Variants in GNG7 observed in about 807,000 individuals in gnomAD.
The protein encoded by GNG7 is guanine nucleotide-binding protein G(I)/G(S)/G(O) subunit gamma-7.
GNG7 carries 1 observed loss-of-function variant against 4.0 expected under a neutral mutation model. The observed-to-expected ratio is 0.25, with a 90% CI of 0.09 to 1.18. The LOEUF is 1.18. Ranked by LOEUF, GNG7 falls within the 50% of genes most tolerant of loss-of-function variation. The probability of loss-of-function intolerance (pLI) is 0.50; values close to 1 mark genes in which losing one functional copy is unlikely to be tolerated. For missense variants in GNG7, 86 were observed against 91.9 expected, an observed-to-expected ratio of 0.94 and a Z score of 0.26; for synonymous variants, 34 against 36.9, an observed-to-expected ratio of 0.92 and a Z score of 0.29.
chr19:2,656,408 C>T (rs1472056677), intron 1 of GNG7, among the ~76,000 whole-genome samples: 1 of 152,204 alleles, frequency 6.6e-6, no homozygotes, highest in East Asian at 1.9e-4. Flanking sequence ...TCAAGACCAG[C>T]CTGGCCAACA....
At chr19:2,686,707 CTTTGTAGG>C (rs781251589) in intron 1 of GNG7, among the ~76,000 whole-genome samples, 53 of 151,832 alleles carry the variant, frequency 3.5e-4, no homozygotes, top group Admixed American at 1.8e-3. Flanking sequence ...GGAGCGGAGC[CTTTGTAGG>C]GTGGGGTCAA....
intron 1 of GNG7, among the ~76,000 whole-genome samples, chr19:2,684,272 G>A (rs1166742381): frequency 1.3e-5 from 2 of 151,898 alleles, no homozygotes; most frequent in Non-Finnish European, 2.9e-5. Flanking sequence ...GAGTAGCTGG[G>A]ATTACAGGGG....
At chr19:2,584,134 G>A (rs1022238432) in intron 2 of GNG7, among the ~76,000 whole-genome samples, 3 of 151,922 alleles carry the variant, frequency 2.0e-5, no homozygotes, top group African/African-American at 4.8e-5. Context: ...TTATGGCAAC[G>A]TATCAGAAGG....
rs1461445338 is a variant in GNG7 at position 2,702,637 on chromosome 19, C to G, written c.-135+9G>C. 2 of 151,644 alleles carry G rather than the reference C, an allele frequency of 1.3e-5. No individual in the cohort carries two copies. The highest frequency in any genetic ancestry group is 3.0e-5 in the Non-Finnish European group (2 of 67,738). The allele number at this position is 151,644 out of a possible 1,614,324, so 9.4% of individuals were successfully genotyped here. ...CACTTCCCCTGGCCCGGTTCGCGGG[C>G]GCCCTTACCTGCGCTCGGGCCCCGC... On this transcript the variant is annotated intron_variant, in intron 1 of 4. Transcript: ENST00000382159.
At position 2,656,277 on chromosome 19, in the gene GNG7, C is replaced by T. The variant is rs181404211; in HGVS notation, c.-134-9997G>A. 3.9e-5 allele frequency among the ~76,000 whole-genome samples: 6 copies of T among 152,298 alleles called. No individual in the cohort carries two copies. The East Asian group carries it at 1.2e-3, about 29-fold the overall frequency. On this transcript the variant is annotated intron_variant, in intron 1 of 4. Transcript: ENST00000382159. ...ATTCACAATAGCCGAGATAGGAAACCAACCTACATGTCCATCGTTGGATGA... is the reference window on the plus strand; with the variant it reads ...ATTCACAATAGCCGAGATAGGAAACTAACCTACATGTCCATCGTTGGATGA...
intron 3 of GNG7, among the ~76,000 whole-genome samples, chr19:2,534,640 G>A (rs971262621): frequency 3.3e-5 from 5 of 152,338 alleles, no homozygotes; most frequent in African/African-American, 9.6e-5. Context: ...CCCAGAGAAG[G>A]TAGATGGCTT....
intron 2 of GNG7, among the ~76,000 whole-genome samples, chr19:2,588,995 C>G (rs901967474): frequency 2.7e-5 from 4 of 150,826 alleles, no homozygotes; most frequent in African/African-American, 4.9e-5. Context: ...ATGGCGCGAT[C>G]TTGGCTCACC....
intron 2 of GNG7, among the ~76,000 whole-genome samples, chr19:2,640,781 T>C (rs886644906): frequency 1.6e-4 from 25 of 152,118 alleles, no homozygotes; most frequent in African/African-American, 5.3e-4. Context: ...GTACACACTG[T>C]AACACCCAGC....
At chr19:2,673,796 T>G (rs1007464392) in intron 1 of GNG7, among the ~76,000 whole-genome samples, 1 of 152,140 alleles carries the variant, frequency 6.6e-6, no homozygotes, top group Non-Finnish European at 1.5e-5. Flanking sequence ...TTTAGAAAAT[T>G]TCTTTCTTTC....
intron 1 of GNG7, among the ~76,000 whole-genome samples, chr19:2,685,779 TC>T (rs1983855810): frequency 6.6e-6 from 1 of 152,046 alleles, no homozygotes; most frequent in Admixed American, 6.6e-5. Flanking sequence ...GGTGTCCTCC[TC>T]CCGAGACGAG....
At chr19:2,675,229 C>G (rs1157909258) in intron 1 of GNG7, among the ~76,000 whole-genome samples, 1 of 152,096 alleles carries the variant, frequency 6.6e-6, no homozygotes, top group Non-Finnish European at 1.5e-5. Flanking sequence ...CTGTCGTGCC[C>G]CTGAAGAACT....
chr19:2,604,695 A>AG (rs1200094983), intron 2 of GNG7, among the ~76,000 whole-genome samples: 1 of 117,876 alleles, frequency 8.5e-6, no homozygotes, highest in Admixed American at 9.3e-5. Context: ...GGGAGTGGGG[A>AG]GGGAGGGAGG....
At chr19:2,551,117 A>G (rs1344684794) in intron 3 of GNG7, among the ~76,000 whole-genome samples, 1 of 152,170 alleles carries the variant, frequency 6.6e-6, no homozygotes, top group African/African-American at 2.4e-5. Flanking sequence ...GCTCCGTGCC[A>G]CCTGCCGTCC....
intron 3 of GNG7, among the ~76,000 whole-genome samples, chr19:2,552,980 A>G (rs1979382176): frequency 6.6e-6 from 1 of 151,714 alleles, no homozygotes; most frequent in African/African-American, 2.4e-5. Flanking sequence ...CCAAGCCAGC[A>G]GGAGGAAGGA....
At chr19:2,593,849 G>T (rs1207743099) in intron 2 of GNG7, among the ~76,000 whole-genome samples, 3 of 131,508 alleles carry the variant, frequency 2.3e-5, no homozygotes, top group Non-Finnish European at 4.7e-5. Context: ...CTGTTTCAAT[G>T]TTATATATGT....
At chr19:2,587,106 G>A (rs137861922) in intron 2 of GNG7, among the ~76,000 whole-genome samples, 2 of 151,534 alleles carry the variant, frequency 1.3e-5, no homozygotes, top group East Asian at 1.9e-4. Flanking sequence ...GACGTCACCC[G>A]ATGTCCCCCA....
intron 2 of GNG7, among the ~76,000 whole-genome samples, chr19:2,585,164 C>T (rs570905357): frequency 1.3e-5 from 2 of 151,972 alleles, no homozygotes; most frequent in Admixed American, 1.3e-4. Context: ...AAAATATCCA[C>T]CAAGATCTTT....
intron 2 of GNG7, among the ~76,000 whole-genome samples, chr19:2,572,907 C>T (rs1303961270): frequency 6.6e-6 from 1 of 151,902 alleles, no homozygotes; most frequent in Non-Finnish European, 1.5e-5. Flanking sequence ...AATTCCAGAA[C>T]TGTTTCATCG....
chr19:2,582,518 T>A (rs1482209212), intron 2 of GNG7, among the ~76,000 whole-genome samples: 1 of 152,110 alleles, frequency 6.6e-6, no homozygotes, highest in Non-Finnish European at 1.5e-5. Flanking sequence ...GGTCTTGCTC[T>A]GTTGCCCAGG....
Sources: allele counts gnomAD v4.1 joint callset (sites outside exome capture counted in the v4.1 genomes callset), GRCh38; gene constraint gnomAD v4.1.1; transcripts MANE v1.5; gene names NCBI Gene and HGNC (gene_info 2026-07-23, HGNC 2026-07-21).